Variants in NCALD observed in about 807,000 individuals in gnomAD.
The protein encoded by NCALD is neurocalcin delta.
NCALD carries 10 observed loss-of-function variants against 18.6 expected under a neutral mutation model. The observed-to-expected ratio is 0.54, with a 90% CI of 0.33 to 0.91. The LOEUF (loss-of-function observed/expected upper bound fraction) is 0.91, where lower values mean the gene tolerates loss of function less well. NCALD is among the 40% of genes least tolerant of loss of function. The pLI is 0.03. For synonymous variants in NCALD, 88 were observed against 87.4 expected, an observed-to-expected ratio of 1.01 and a Z score of -0.04; for missense variants, 184 against 247.6, an observed-to-expected ratio of 0.74 and a Z score of 1.72.
At chr8:101,725,104 G>A (rs1425757240) in intron 1 of NCALD, among the ~76,000 whole-genome samples, 2 of 152,124 alleles carry the variant, frequency 1.3e-5, no homozygotes, top group Admixed American at 1.3e-4. Context: ...GTGGTTCCCT[G>A]GCAAAGGCCC....
At chr8:101,788,984 T>A (rs1411031869) in intron 1 of NCALD, 1 of 152,214 alleles carries the variant, frequency 6.6e-6, no homozygotes, top group Non-Finnish European at 1.5e-5. Context: ...GATTTTGCCA[T>A]CAACGCTGAA....
chr8:101,715,465 C>CAGCACTGACA (rs1816031562), intron 2 of NCALD, among the ~76,000 whole-genome samples: 1 of 151,444 alleles, frequency 6.6e-6, no homozygotes, highest in East Asian at 1.9e-4. Flanking sequence ...TAACAAAAGC[C>CAGCACTGACA]AATGGGACCT....
chr8:101,911,361 C>CTTTT (rs56017823), intron 3 of NCALD, among the ~76,000 whole-genome samples: 1 of 137,706 alleles, frequency 7.3e-6, no homozygotes, highest in African/African-American at 2.7e-5. Flanking sequence ...TTTTTCTTTT[C>CTTTT]TTTTTTTTTT....
chr8:101,858,674 A>G (rs567578193), intron 4 of NCALD, among the ~76,000 whole-genome samples: 3 of 152,272 alleles, frequency 2.0e-5, no homozygotes, highest in African/African-American at 7.2e-5. Context: ...GAAATAGAAT[A>G]GCCCTAGGGA....
At chr8:101,918,268 T>TA (rs1563895301) in intron 2 of NCALD, among the ~76,000 whole-genome samples, 1 of 152,056 alleles carries the variant, frequency 6.6e-6, no homozygotes, top group African/African-American at 2.4e-5. Flanking sequence ...AAGTTTTTGA[T>TA]AAAATCCAAC....
intron 2 of NCALD, among the ~76,000 whole-genome samples, chr8:101,949,025 T>G (rs1423648266): frequency 6.6e-6 from 1 of 152,104 alleles, no homozygotes; most frequent in Non-Finnish European, 1.5e-5. Flanking sequence ...AGAAAACATC[T>G]TATAGAGTTC....
chr8:101,705,506 C>T (rs2130219418), intron 2 of NCALD, among the ~76,000 whole-genome samples: 1 of 152,240 alleles, frequency 6.6e-6, no homozygotes, highest in East Asian at 1.9e-4. Context: ...AACCTCGCCA[C>T]TGCCTTTCTC....
chr8:101,689,493 G>C lies in NCALD; in HGVS notation c.485-87C>G. 6 of 1,012,658 alleles carry C rather than the reference G, an allele frequency of 5.9e-6. No individual in the cohort carries two copies. The South Asian group carries it at 8.9e-5, about 15-fold the overall frequency. The allele number at this position is 1,012,658 out of a possible 1,614,324, so 62.7% of individuals were successfully genotyped here. A position where few individuals can be genotyped will look rare whatever the true frequency, so the allele number is the denominator to read the frequency against. On this transcript the variant is annotated intron_variant, in intron 3 of 3. Coordinates refer to ENST00000220931, the MANE Select transcript of NCALD (RefSeq NM_032041.3). The surrounding 1 kb of genome is among the most constrained non-coding windows in gnomAD (Gnocchi z 4.4). ...CCACTACTGCGTGCTGGGCAGTGTC[G>C]ATTCACCTGCCTGCAGCCTCACTGC...
rs544277796 is a variant in NCALD at position 101,910,554 on chromosome 8, C to T, written c.-107+5255G>A. ...GGAAATCCAATGTGGATTTAATCAC[C>T]GTAATACAGAAAGGATGTTAGGATG... On this transcript the variant is annotated intron_variant, in intron 3 of 6. Coordinates refer to the NCALD transcript ENST00000311028. Among the ~76,000 whole-genome samples, 107 of 152,106 alleles carry T rather than the reference C, an allele frequency of 7.0e-4. 2 individuals carry two copies. The highest frequency in any genetic ancestry group is 6.9e-3 in the Admixed American group (106 of 15,276).
intron 4 of NCALD, among the ~76,000 whole-genome samples, chr8:101,841,859 A>G (rs945430439): frequency 2.0e-5 from 3 of 152,152 alleles, no homozygotes; most frequent in Non-Finnish European, 4.4e-5. Context: ...TCCTCACTCT[A>G]GGCTACCCCT....
chr8:101,908,267 G>A (rs764028269), intron 3 of NCALD, among the ~76,000 whole-genome samples: 2 of 152,098 alleles, frequency 1.3e-5, no homozygotes, highest in Admixed American at 6.6e-5. Context: ...CTGCCAACCC[G>A]TCCCTTTTGG....
rs117213878 is a variant in NCALD at position 101,707,344 on chromosome 8, G to A, written c.378+11908C>T. On this transcript the variant is annotated intron_variant, in intron 2 of 3. Transcript: ENST00000220931. ...GCCTGGTTGTCTGAATTGGTCAGGT[G>A]GGCAGTCTGGAAATGAGTGTGGATT... Among the ~76,000 whole-genome samples the A allele has an allele frequency of 3.8e-3, 571 of 152,262 alleles. 5 individuals carry two copies. In the East Asian group the frequency reaches 0.055, roughly 15 times the overall value.
chr8:102,017,491 A>G (rs907907253), intron 2 of NCALD, among the ~76,000 whole-genome samples: 1 of 152,184 alleles, frequency 6.6e-6, no homozygotes, highest in Non-Finnish European at 1.5e-5. Context: ...AGGTGGGTGG[A>G]TCACCTGAGG....
At chr8:101,764,560 GC>G (rs1404157790) in intron 1 of NCALD, among the ~76,000 whole-genome samples, 1 of 152,184 alleles carries the variant, frequency 6.6e-6, no homozygotes, top group Non-Finnish European at 1.5e-5. Context: ...AATGAGTACA[GC>G]CCCCTTTGAA....
intron 2 of NCALD, among the ~76,000 whole-genome samples, chr8:101,977,278 G>A (rs1011002551): frequency 4.0e-5 from 6 of 150,642 alleles, no homozygotes; most frequent in South Asian, 2.1e-4. Flanking sequence ...ATGTGTTTTC[G>A]CACTAGGAGA....
intron 4 of NCALD, among the ~76,000 whole-genome samples, chr8:101,865,928 C>A (rs757729433): frequency 6.6e-5 from 10 of 152,156 alleles, no homozygotes; most frequent in Admixed American, 3.9e-4. Context: ...AATCTTAGGT[C>A]AATTATCAAC....
At chr8:102,115,378 C>G (rs1825753097) in intron 1 of NCALD, among the ~76,000 whole-genome samples, 2 of 152,096 alleles carry the variant, frequency 1.3e-5, no homozygotes, top group Admixed American at 6.5e-5. Flanking sequence ...AATTAGCTGC[C>G]CCCTAGAGAG....
chr8:101,727,132 G>T (rs1816608072), intron 1 of NCALD, among the ~76,000 whole-genome samples: 1 of 152,120 alleles, frequency 6.6e-6, no homozygotes, highest in Admixed American at 6.6e-5. Context: ...TCTGAATCTT[G>T]TGCTCTCTTC....
chr8:101,917,177 A>C (rs1817999342), intron 2 of NCALD, among the ~76,000 whole-genome samples: 1 of 152,114 alleles, frequency 6.6e-6, no homozygotes, highest in Admixed American at 6.6e-5. Flanking sequence ...TAAAAATAGA[A>C]ATAAACTCCA....
Sources: gnomAD v4.1 joint callset for allele counts (sites outside exome capture counted in the v4.1 genomes callset) on GRCh38, gnomAD v4.1.1 for gene constraint, Gnocchi (gnomAD v3.1) non-coding constraint, MANE v1.5 for transcripts, NCBI Gene and HGNC (gene_info 2026-07-23, HGNC 2026-07-21) for gene names.